Variants in CCDC81 observed in about 807,000 individuals in gnomAD.
CCDC81 encodes coiled-coil domain-containing protein 81.
In CCDC81, 79 loss-of-function variants were observed where a neutral mutation model predicts 83.7. The observed-to-expected ratio is 0.94, with a 90% CI of 0.79 to 1.14. The LOEUF (loss-of-function observed/expected upper bound fraction) is 1.14, where lower values mean the gene tolerates loss of function less well. Ranked by LOEUF, CCDC81 falls within the 50% of genes most tolerant of loss-of-function variation. CCDC81 has a pLI of 0.00. For missense variants in CCDC81, 791 were observed against 778.1 expected (o/e 1.02, Z -0.20); for synonymous variants, 252 against 278.1 (o/e 0.91, Z 0.93).
chr11:86,392,704 C>T lies in CCDC81; in HGVS notation c.462C>T (p.Leu154=). 4 of 1,551,682 alleles carry T rather than the reference C, an allele frequency of 2.6e-6. No individual in the cohort carries two copies. The highest frequency in any genetic ancestry group is 3.5e-6 in the Non-Finnish European group (4 of 1,146,976). ...VEFTFKGIGV[L]MIRDSKVKMR... Reference sequence around the variant, plus strand: ...TTACATTCAAAGGAATTGGGGTCCTCATGATCAGAGACAGCAAAGTGAAGA... The same window carrying T: ...TTACATTCAAAGGAATTGGGGTCCTTATGATCAGAGACAGCAAAGTGAAGA... The change falls in exon 4 of 15, where the codon CTC becomes CTT. Residue 154 remains leucine, a synonymous_variant. Coordinates refer to ENST00000445632, the MANE Select transcript of CCDC81 (RefSeq NM_001156474.2).
intron 13 of CCDC81, among the ~76,000 whole-genome samples, chr11:86,418,076 C>T (rs1197497005): frequency 6.6e-6 from 1 of 151,924 alleles, no homozygotes; most frequent in Non-Finnish European, 1.5e-5. Flanking sequence ...TTAACCTATC[C>T]TTAAAAAAAT....
intron 4 of CCDC81, among the ~76,000 whole-genome samples, chr11:86,394,675 C>T (rs543348422): frequency 3.2e-4 from 49 of 152,240 alleles, no homozygotes; most frequent in East Asian, 7.7e-4. Context: ...TGGGAATTCA[C>T]TTCAAAGGCT....
chr11:86,406,910 T>C (rs1948573806), intron 7 of CCDC81, among the ~76,000 whole-genome samples: 1 of 152,192 alleles, frequency 6.6e-6, no homozygotes, highest in Non-Finnish European at 1.5e-5. Flanking sequence ...TTAATACTAG[T>C]ATTAATATTA....
chr11:86,391,351 T>C (rs17149036), intron 3 of CCDC81, among the ~76,000 whole-genome samples: 5,341 of 152,346 alleles, frequency 0.035, 158 homozygotes, highest in African/African-American at 0.08. Flanking sequence ...ATATAACTCA[T>C]GCTTACTGAG....
At chr11:86,388,732 T>C (rs1948283175) in intron 3 of CCDC81, among the ~76,000 whole-genome samples, 1 of 152,170 alleles carries the variant, frequency 6.6e-6, no homozygotes. Flanking sequence ...TTTCTCCCTT[T>C]CATGGGAACA....
At chr11:86,397,778 T>C (rs377105785) in intron 6 of CCDC81, 36 bp downstream of exon 6, 4 of 1,599,438 alleles carry the variant, frequency 2.5e-6, no homozygotes, top group Non-Finnish European at 3.4e-6. Flanking sequence ...TCTGTCACTC[T>C]TTACTGCTAT....
chr11:86,399,677 T>C (rs564959509), intron 6 of CCDC81, among the ~76,000 whole-genome samples: 9 of 152,244 alleles, frequency 5.9e-5, no homozygotes, highest in Non-Finnish European at 1.3e-4. Context: ...CATTTTTTTT[T>C]TCCTGCAGCC....
At chr11:86,418,006 T>C (rs1948744717) in intron 13 of CCDC81, among the ~76,000 whole-genome samples, 1 of 152,240 alleles carries the variant, frequency 6.6e-6, no homozygotes, top group Non-Finnish European at 1.5e-5. Context: ...GTGAGAATGC[T>C]AGTTGTCCCC....
chr11:86,386,334 G>T (rs1948241156), intron 2 of CCDC81, among the ~76,000 whole-genome samples: 1 of 152,108 alleles, frequency 6.6e-6, no homozygotes, highest in African/African-American at 2.4e-5. Flanking sequence ...TTTAGGTAAT[G>T]AATTTGTAAG....
intron 1 of CCDC81, among the ~76,000 whole-genome samples, chr11:86,378,592 G>A (rs774018519): frequency 1.6e-4 from 25 of 152,028 alleles, no homozygotes; most frequent in African/African-American, 5.8e-4. Flanking sequence ...GTATGATAAT[G>A]GATTCATTTA....
chr11:86,395,207 A>C, intron 4 of CCDC81, 127 bp from the exon 5 acceptor site: 1 of 639,442 alleles, frequency 1.6e-6, no homozygotes, highest in Non-Finnish European at 2.7e-6. Flanking sequence ...CTGGACTTAT[A>C]AGCGCTTAAC....
At position 86,417,763 on chromosome 11, in the gene CCDC81, T is replaced by A. The variant is rs996553086; in HGVS notation, c.1692-2165T>A. On this transcript the variant is annotated intron_variant, in intron 13 of 14. Transcript: ENST00000445632. ...TAATTTTCCTTTTTTTTTTTGTTTT[T>A]TTGAGACAGAGTCTCACTCTGTCGC... Among the ~76,000 whole-genome samples the A allele has an allele frequency of 7.2e-5, 11 of 152,180 alleles. No individual in the cohort carries two copies. The South Asian group carries it at 2.3e-3, about 32-fold the overall frequency.
intron 4 of CCDC81, among the ~76,000 whole-genome samples, chr11:86,393,859 T>C (rs1389027876): frequency 6.6e-6 from 1 of 152,210 alleles, no homozygotes; most frequent in Non-Finnish European, 1.5e-5. Context: ...TGAATTATTA[T>C]GGAATGTTAT....
intron 13 of CCDC81, among the ~76,000 whole-genome samples, chr11:86,417,210 T>C (rs1048535775): frequency 1.2e-4 from 18 of 148,976 alleles, no homozygotes; most frequent in African/African-American, 4.2e-4. Flanking sequence ...GCCACTGCAC[T>C]TCAGCCTGGG....
chr11:86,408,634 T>G (rs1256970938), intron 9 of CCDC81, among the ~76,000 whole-genome samples: 1 of 152,144 alleles, frequency 6.6e-6, no homozygotes, highest in Non-Finnish European at 1.5e-5. Flanking sequence ...CATTACCCAC[T>G]GAGCCCAGCC....
At chr11:86,386,409 T>C (rs1948242176) in intron 2 of CCDC81, among the ~76,000 whole-genome samples, 1 of 152,212 alleles carries the variant, frequency 6.6e-6, no homozygotes, top group South Asian at 2.1e-4. Context: ...GGAAACTAGA[T>C]GAGTTCTGTT....
chr11:86,386,978 T>C (rs7943530), intron 2 of CCDC81, among the ~76,000 whole-genome samples: 94,223 of 151,930 alleles, frequency 0.62, 29,816 homozygotes, highest in African/African-American at 0.73. Context: ...AGTTTGTAGT[T>C]CTTGATGAAT....
At chr11:86,405,320 T>C (rs957078417) in intron 7 of CCDC81, among the ~76,000 whole-genome samples, 9 of 152,324 alleles carry the variant, frequency 5.9e-5, no homozygotes, top group Admixed American at 4.6e-4. Flanking sequence ...CAACATCTGA[T>C]TAGTATTTAC....
intron 10 of CCDC81, among the ~76,000 whole-genome samples, chr11:86,411,505 G>C (rs367841311): frequency 9.8e-5 from 15 of 152,290 alleles, no homozygotes; most frequent in Admixed American, 4.6e-4. Flanking sequence ...CAGCATGCAG[G>C]CTTGATGAGT....
Sources: allele counts gnomAD v4.1 joint callset (sites outside exome capture counted in the v4.1 genomes callset), GRCh38; gene constraint gnomAD v4.1.1; transcripts MANE v1.5; gene names NCBI Gene and HGNC (gene_info 2026-07-23, HGNC 2026-07-21).